Variants in GGACT observed in about 807,000 individuals in gnomAD.
GGACT encodes gamma-glutamylamine cyclotransferase.
For missense variants in GGACT, 241 were observed against 233.2 expected, an observed-to-expected ratio of 1.03 and a Z score of -0.22; for synonymous variants, 118 against 115.3, an observed-to-expected ratio of 1.02 and a Z score of -0.15.
intron 2 of GGACT, among the ~76,000 whole-genome samples, chr13:100,566,563 C>T (rs962701776): frequency 2.0e-5 from 3 of 152,194 alleles, no homozygotes; most frequent in East Asian, 3.9e-4. Flanking sequence ...TTGCGGCTGC[C>T]GAGGTCCCCT....
At chr13:100,574,878 A>T (rs986425766) in intron 2 of GGACT, among the ~76,000 whole-genome samples, 23 of 147,592 alleles carry the variant, frequency 1.6e-4, no homozygotes, top group East Asian at 6.0e-4. Flanking sequence ...TATGTGTATT[A>T]AAAAAAAAAG....
chr13:100,555,146 C>G (rs1015461611), intron 2 of GGACT, among the ~76,000 whole-genome samples: 1 of 152,134 alleles, frequency 6.6e-6, no homozygotes, highest in African/African-American at 2.4e-5. Flanking sequence ...AAACAATTTT[C>G]CAGAAAATCA....
chr13:100,556,564 C>A, intron 2 of GGACT, among the ~76,000 whole-genome samples: 1 of 151,140 alleles, frequency 6.6e-6, no homozygotes, highest in Non-Finnish European at 1.5e-5. Flanking sequence ...GGTAGACATT[C>A]AACACAATCT....
At chr13:100,544,479 C>T (rs1274615916) in intron 2 of GGACT, among the ~76,000 whole-genome samples, 1 of 152,240 alleles carries the variant, frequency 6.6e-6, no homozygotes, top group African/African-American at 2.4e-5. Context: ...CCTCACCAGC[C>T]CCACTGCATA....
chr13:100,581,782 G>C (rs528880759), intron 2 of GGACT, among the ~76,000 whole-genome samples: 1 of 152,334 alleles, frequency 6.6e-6, no homozygotes, highest in South Asian at 2.1e-4. Context: ...CAGCAAAAGA[G>C]AGAAGTCATG....
chr13:100,530,499 A>C lies in GGACT; in HGVS notation c.*1631T>G, dbSNP rs1398690198. The C allele has an allele frequency of 4.7e-6, 2 of 422,608 alleles. No individual in the cohort carries two copies. The highest frequency in any genetic ancestry group is 3.7e-5 in the Admixed American group (1 of 27,212). The allele number at this position is 422,608 out of a possible 1,614,324, so 26.2% of individuals were successfully genotyped here. On this transcript the variant is annotated 3_prime_UTR_variant, in exon 3 of 3. Transcript: ENST00000683975. ...CATAGGCGACAGGCTCTGCCAGTAG[A>C]CTACCAGCATTTCTTTGTGATCCTT...
intron 2 of GGACT, 106 bp from the exon 3 acceptor site, chr13:100,532,707 T>C (rs1594179848): frequency 1.2e-6 from 1 of 815,288 alleles, no homozygotes; most frequent in East Asian, 2.7e-5. Context: ...CCGCACCACC[T>C]GAATGCGCCT....
chr13:100,548,880 G>A (rs1388188384), intron 2 of GGACT, among the ~76,000 whole-genome samples: 1 of 152,254 alleles, frequency 6.6e-6, no homozygotes. Context: ...GAGCCAACCA[G>A]GGAGGCCACC....
At position 100,550,417 on chromosome 13, in the gene GGACT, TACACACACACACACAC is replaced by T. The variant is rs61669253; in HGVS notation, c.-10-17832_-10-17817del. On this transcript the variant is annotated intron_variant, in intron 2 of 2. Transcript: ENST00000683975. ...AATTAAATCCGAGCCGATTATACTC[TACACACACACACACAC>T]ACACACACACACACACACACACACA... Among the ~76,000 whole-genome samples, 353 of 72,500 alleles carry T rather than the reference TACACACACACACACAC, an allele frequency of 4.9e-3. 5 individuals are homozygous for T. Among genetic ancestry groups the T allele is most frequent in the African/African-American group, 0.028 (338 of 12,210 alleles). 47.6% of individuals were successfully genotyped at this position (72,500 alleles called of 152,430 possible). A position where few individuals can be genotyped will look rare whatever the true frequency, so the allele number is the denominator to read the frequency against.
At chr13:100,584,434 AACTG>A (rs1365063807) in intron 1 of GGACT, among the ~76,000 whole-genome samples, 1 of 152,160 alleles carries the variant, frequency 6.6e-6, no homozygotes, top group Non-Finnish European at 1.5e-5. Flanking sequence ...AAAACAATTG[AACTG>A]ACTGAGATAG....
intron 2 of GGACT, among the ~76,000 whole-genome samples, chr13:100,576,528 A>C (rs185131204): frequency 1.5e-3 from 230 of 152,322 alleles, no homozygotes; most frequent in African/African-American, 5.4e-3. Flanking sequence ...ATCACCAAAA[A>C]CTGTAAATAA....
chr13:100,586,362 TG>T (rs11323804), intron 1 of GGACT, among the ~76,000 whole-genome samples: 2,355 of 152,316 alleles, frequency 0.015, 67 homozygotes, highest in African/African-American at 0.051. Flanking sequence ...TCTACTTTGC[TG>T]GGCTTTTATG....
At chr13:100,582,587 A>G (rs1875452078) in intron 2 of GGACT, among the ~76,000 whole-genome samples, 1 of 152,206 alleles carries the variant, frequency 6.6e-6, no homozygotes, top group Non-Finnish European at 1.5e-5. Context: ...GATCAGACAG[A>G]TGTGACGACA....
intron 2 of GGACT, among the ~76,000 whole-genome samples, chr13:100,551,000 C>T (rs924718297): frequency 1.2e-4 from 18 of 152,136 alleles, no homozygotes; most frequent in African/African-American, 4.8e-5. Context: ...TAAAAAACAA[C>T]AAGGCCGGGC....
At chr13:100,554,227 TGAAAGCCAA>T (rs2088693434) in intron 2 of GGACT, among the ~76,000 whole-genome samples, 1 of 152,130 alleles carries the variant, frequency 6.6e-6, no homozygotes, top group South Asian at 2.1e-4. Context: ...CCCCAGGGGA[TGAAAGCCAA>T]GGTACATTTC....
At chr13:100,586,506 C>CGG in intron 1 of GGACT, among the ~76,000 whole-genome samples, 1 of 148,182 alleles carries the variant, frequency 6.7e-6, no homozygotes. Flanking sequence ...CCTCCTCTCG[C>CGG]GGAGTCCAGC....
At chr13:100,559,337 G>A (rs948221092) in intron 2 of GGACT, among the ~76,000 whole-genome samples, 11 of 151,866 alleles carry the variant, frequency 7.2e-5, no homozygotes, top group African/African-American at 2.4e-4. Context: ...ACAGGCATGT[G>A]CCACCATGTC....
intron 1 of GGACT, chr13:100,588,458 T>C (rs1317276234): frequency 6.6e-6 from 1 of 152,236 alleles, no homozygotes; most frequent in Non-Finnish European, 1.5e-5. Context: ...AGGCGGTTCC[T>C]GGCTTTTACC....
intron 2 of GGACT, among the ~76,000 whole-genome samples, chr13:100,582,727 A>T (rs956061820): frequency 6.6e-6 from 1 of 152,236 alleles, no homozygotes; most frequent in East Asian, 1.9e-4. Context: ...GAGCCTCCAG[A>T]CAGCTGTTAT....
Sources: allele counts gnomAD v4.1 joint callset (sites outside exome capture counted in the v4.1 genomes callset), GRCh38; gene constraint gnomAD v4.1.1; transcripts MANE v1.5; gene names NCBI Gene and HGNC (gene_info 2026-07-23, HGNC 2026-07-21).